Variants in SPDYA observed in about 807,000 individuals in gnomAD.
SPDYA encodes speedy/RINGO cell cycle regulator family member A.
In SPDYA, 11 loss-of-function variants were observed where a neutral mutation model predicts 36.7. The ratio of observed to expected loss-of-function variants is 0.30; its 90% confidence interval spans 0.19 to 0.50. The LOEUF (loss-of-function observed/expected upper bound fraction) is 0.50. SPDYA is among the 20% of genes least tolerant of loss of function. The probability of loss-of-function intolerance (pLI) is 0.98; values close to 1 mark genes in which losing one functional copy is unlikely to be tolerated. For missense variants in SPDYA, 287 were observed against 370.9 expected, an observed-to-expected ratio of 0.77 and a Z score of 1.86; for synonymous variants, 115 against 118.7, an observed-to-expected ratio of 0.97 and a Z score of 0.20.
intron 4 of SPDYA, among the ~76,000 whole-genome samples, chr2:28,820,333 T>G (rs1188007237): frequency 6.6e-6 from 1 of 152,082 alleles, no homozygotes; most frequent in Non-Finnish European, 1.5e-5. Context: ...ATACCTGTGA[T>G]CCTAGCGCTT....
At chr2:28,836,993 C>T (rs1668620361) in intron 6 of SPDYA, among the ~76,000 whole-genome samples, 1 of 152,182 alleles carries the variant, frequency 6.6e-6, no homozygotes, top group Non-Finnish European at 1.5e-5. Context: ...TTTCTCTATT[C>T]CCGTTAATAC....
intron 5 of SPDYA, among the ~76,000 whole-genome samples, chr2:28,825,694 C>T (rs1224044286): frequency 3.3e-5 from 5 of 152,038 alleles, no homozygotes; most frequent in African/African-American, 1.2e-4. Context: ...GGGCAAGGAA[C>T]ATATAACATT....
At chr2:28,836,280 A>G (rs779046053) in intron 6 of SPDYA, among the ~76,000 whole-genome samples, 2 of 152,286 alleles carry the variant, frequency 1.3e-5, no homozygotes, top group East Asian at 1.9e-4. Flanking sequence ...TGTGACATCT[A>G]GCCTCCATAT....
chr2:28,850,095 T>C lies in SPDYA; in HGVS notation c.*154T>C, dbSNP rs1669007412. ...TTATATGTATAAGTTATATAAGTCA[T>C]AGTAATAGCTAAAAATGCCAATCTA... On this transcript the variant is annotated 3_prime_UTR_variant, in exon 8 of 8. Coordinates refer to ENST00000334056, the MANE Select transcript of SPDYA (RefSeq NM_182756.4). The C allele has an allele frequency of 1.7e-6, 2 of 1,208,320 alleles. No homozygotes were observed. Among genetic ancestry groups the C allele is most frequent in the African/African-American group, 3.1e-5 (2 of 64,940 alleles). The allele number at this position is 1,208,320 out of a possible 1,614,324, so 74.8% of individuals were successfully genotyped here.
chr2:28,824,968 T>A (rs1325575828), intron 5 of SPDYA, among the ~76,000 whole-genome samples: 1 of 152,250 alleles, frequency 6.6e-6, no homozygotes, highest in East Asian at 1.9e-4. Flanking sequence ...GAGTACTATG[T>A]GCAAGGCACC....
At chr2:28,845,751 G>T (rs972287737) in intron 7 of SPDYA, among the ~76,000 whole-genome samples, 2 of 151,746 alleles carry the variant, frequency 1.3e-5, no homozygotes, top group Non-Finnish European at 2.9e-5. Flanking sequence ...CACCATGTTG[G>T]TCAGGCTGGT....
intron 7 of SPDYA, among the ~76,000 whole-genome samples, chr2:28,848,526 G>A (rs1177771549): frequency 6.6e-6 from 1 of 152,114 alleles, no homozygotes; most frequent in East Asian, 1.9e-4. Context: ...TTCTTTGGGG[G>A]GAATTTATAA....
At chr2:28,824,131 A>C (rs1668253376) in intron 5 of SPDYA, among the ~76,000 whole-genome samples, 1 of 152,126 alleles carries the variant, frequency 6.6e-6, no homozygotes, top group Non-Finnish European at 1.5e-5. Context: ...TCAGCACTGA[A>C]GGTAAAGTTT....
At chr2:28,840,867 G>C (rs982420286) in intron 7 of SPDYA, 1 of 721,254 alleles carries the variant, frequency 1.4e-6, no homozygotes, top group Admixed American at 6.2e-5. Context: ...TATATATCTA[G>C]GCCTGCTTTT....
chr2:28,837,976 C>G (rs1668651072), intron 6 of SPDYA, among the ~76,000 whole-genome samples: 1 of 151,772 alleles, frequency 6.6e-6, no homozygotes, highest in Admixed American at 6.6e-5. Flanking sequence ...AAGGCACCCC[C>G]CAATCACTAA....
intron 7 of SPDYA, chr2:28,842,245 C>G (rs779435672): frequency 6.6e-6 from 1 of 152,080 alleles, no homozygotes; most frequent in Non-Finnish European, 1.5e-5. Context: ...AAGGAGGTGG[C>G]GAAAGCATTA....
At chr2:28,840,930 GTTTTTTTTTTTTT>G (rs70956054) in intron 7 of SPDYA, 4 of 114,646 alleles carry the variant, frequency 3.5e-5, no homozygotes, top group Non-Finnish European at 4.9e-5. Flanking sequence ...TCCAAAACCA[GTTTTTTTTTTTTT>G]TTTTTTTTTG....
chr2:28,839,794 G>A (rs762273187), intron 6 of SPDYA, among the ~76,000 whole-genome samples: 1 of 152,160 alleles, frequency 6.6e-6, no homozygotes, highest in Non-Finnish European at 1.5e-5. Flanking sequence ...GAGCCACCGC[G>A]CCCGGCCAAT....
At chr2:28,831,239 T>C (rs532126799) in intron 6 of SPDYA, among the ~76,000 whole-genome samples, 1 of 152,208 alleles carries the variant, frequency 6.6e-6, no homozygotes, top group African/African-American at 2.4e-5. Flanking sequence ...ACACCTGTAG[T>C]CCCAGCTACT....
intron 6 of SPDYA, among the ~76,000 whole-genome samples, chr2:28,833,017 G>A (rs753357663): frequency 1.6e-4 from 24 of 151,910 alleles, no homozygotes; most frequent in Non-Finnish European, 3.4e-4. Flanking sequence ...TTTATTTTTT[G>A]TAGAGATGGG....
intron 5 of SPDYA, among the ~76,000 whole-genome samples, chr2:28,824,400 C>T (rs1046952626): frequency 2.0e-5 from 3 of 150,786 alleles, no homozygotes; most frequent in African/African-American, 7.3e-5. Context: ...ATCACTTGAG[C>T]CCAGGAGTTC....
chr2:28,823,747 AAT>A (rs1491474346), intron 5 of SPDYA, among the ~76,000 whole-genome samples: 2,888 of 70,766 alleles, frequency 0.041, 181 homozygotes, highest in Non-Finnish European at 0.056. Context: ...ATATATATAA[AAT>A]TTTTTTTTTT....
intron 4 of SPDYA, 101 bp downstream of exon 4, chr2:28,819,207 T>A: frequency 3.2e-6 from 3 of 926,762 alleles, no homozygotes; most frequent in Non-Finnish European, 4.8e-6. Context: ...TTATTAGTTA[T>A]GATTAAGAAA....
At chr2:28,837,332 A>T (rs756913727) in intron 6 of SPDYA, among the ~76,000 whole-genome samples, 2 of 152,210 alleles carry the variant, frequency 1.3e-5, no homozygotes, top group African/African-American at 4.8e-5. Context: ...TCAAATATAT[A>T]TAACAGGAAG....
Sources: gnomAD v4.1 joint callset for allele counts (sites outside exome capture counted in the v4.1 genomes callset) on GRCh38, gnomAD v4.1.1 for gene constraint, MANE v1.5 for transcripts, NCBI Gene and HGNC (gene_info 2026-07-23, HGNC 2026-07-21) for gene names.